The following TNR variants were observed in gnomAD, a reference collection of about 807,000 sequenced individuals.
TNR encodes the protein tenascin R, also known as tenascin-R.
In TNR, 45 loss-of-function variants were observed where a neutral mutation model predicts 150.4. That is an observed-to-expected ratio of 0.30 (90% CI 0.24 to 0.38). The LOEUF (loss-of-function observed/expected upper bound fraction) is 0.38, where lower values mean the gene tolerates loss of function less well. Ranked by LOEUF, TNR falls within the 10% of genes least tolerant of loss-of-function variation. TNR has a pLI of 1.00. For missense variants in TNR, 1,544 were observed against 1,759.1 expected (o/e 0.88, Z 2.19); for synonymous variants, 687 against 678.4 (o/e 1.01, Z -0.20).
At chr1:175,741,963 G>T (rs1237817640) in intron 1 of TNR, among the ~76,000 whole-genome samples, 1 of 152,192 alleles carries the variant, frequency 6.6e-6, no homozygotes, top group African/African-American at 2.4e-5. Flanking sequence ...GGGAAGACTT[G>T]CTCCTACAAG....
chr1:175,497,802 G>A (rs936049834), intron 2 of TNR, among the ~76,000 whole-genome samples: 5 of 152,208 alleles, frequency 3.3e-5, no homozygotes, highest in Non-Finnish European at 7.3e-5. Flanking sequence ...GCTCACGCCT[G>A]TAATCCTAGC....
intron 1 of TNR, among the ~76,000 whole-genome samples, chr1:175,560,617 G>A (rs1027277967): frequency 6.6e-6 from 1 of 152,184 alleles, no homozygotes; most frequent in Non-Finnish European, 1.5e-5. Context: ...CATCCAAGAG[G>A]CCATAAACCA....
At chr1:175,469,738 C>G (rs1657200641) in intron 2 of TNR, among the ~76,000 whole-genome samples, 2 of 151,960 alleles carry the variant, frequency 1.3e-5, no homozygotes, top group Non-Finnish European at 2.9e-5. Flanking sequence ...TGAGATCTCT[C>G]TACTGGTCTT....
intron 2 of TNR, among the ~76,000 whole-genome samples, chr1:175,433,339 C>A (rs1020896833): frequency 6.6e-6 from 1 of 152,218 alleles, no homozygotes; most frequent in Non-Finnish European, 1.5e-5. Context: ...ATCCCCTCTT[C>A]GGTCTTCACT....
intron 1 of TNR, among the ~76,000 whole-genome samples, chr1:175,662,756 T>C (rs1313952632): frequency 6.6e-6 from 1 of 152,116 alleles, no homozygotes; most frequent in Non-Finnish European, 1.5e-5. Context: ...GGGGGCAGCG[T>C]AGGAAGAAGA....
chr1:175,496,463 C>T (rs956607451), intron 2 of TNR, among the ~76,000 whole-genome samples: 19 of 152,188 alleles, frequency 1.2e-4, no homozygotes, highest in Admixed American at 1.2e-3. Context: ...TCGGGGCTGC[C>T]ATATGCAGAA....
At chr1:175,643,905 G>GA (rs1664738279) in intron 1 of TNR, among the ~76,000 whole-genome samples, 1 of 152,204 alleles carries the variant, frequency 6.6e-6, no homozygotes, top group Non-Finnish European at 1.5e-5. Flanking sequence ...TAAGTGATAT[G>GA]AAAGTCAGCA....
intron 1 of TNR, among the ~76,000 whole-genome samples, chr1:175,578,484 A>G (rs1355459351): frequency 6.6e-6 from 1 of 152,198 alleles, no homozygotes; most frequent in African/African-American, 2.4e-5. Flanking sequence ...AACAGTGCAA[A>G]TAGCTCAGTG....
intron 1 of TNR, among the ~76,000 whole-genome samples, chr1:175,691,111 A>G (rs1218147176): frequency 6.6e-6 from 1 of 151,210 alleles, no homozygotes; most frequent in Non-Finnish European, 1.5e-5. Context: ...AAGTAGTTGG[A>G]TAGCACCATG....
chr1:175,675,920 T>TCA (rs2101906463), intron 1 of TNR, among the ~76,000 whole-genome samples: 1 of 152,202 alleles, frequency 6.6e-6, no homozygotes, highest in African/African-American at 2.4e-5. Context: ...TCTGTCAACA[T>TCA]CACACCTGAT....
chr1:175,483,537 GCACTGTGTAAATA>G (rs1027335158), intron 2 of TNR, among the ~76,000 whole-genome samples: 3 of 152,148 alleles, frequency 2.0e-5, no homozygotes, highest in Admixed American at 2.0e-4. Flanking sequence ...AAGAAAATGG[GCACTGTGTAAATA>G]CAAGCCAGAA....
intron 2 of TNR, among the ~76,000 whole-genome samples, chr1:175,500,205 G>T (rs1032895440): frequency 6.6e-6 from 1 of 152,194 alleles, no homozygotes; most frequent in Non-Finnish European, 1.5e-5. Flanking sequence ...TTTAAGGATA[G>T]TTTAGCTTCT....
chr1:175,372,171 C>T (rs895914780), intron 9 of TNR, among the ~76,000 whole-genome samples: 22 of 152,292 alleles, frequency 1.4e-4, no homozygotes, highest in Admixed American at 5.9e-4. Flanking sequence ...GTAAGCTTTC[C>T]GAGGCCCTCA....
chr1:175,734,276 A>G (rs934719112), intron 1 of TNR, among the ~76,000 whole-genome samples: 5 of 152,228 alleles, frequency 3.3e-5, no homozygotes. Context: ...CAGAATCTGT[A>G]TGTGCTAAGG....
intron 2 of TNR, among the ~76,000 whole-genome samples, chr1:175,490,653 A>G (rs1191224906): frequency 3.3e-5 from 5 of 152,244 alleles, no homozygotes; most frequent in Non-Finnish European, 4.4e-5. Context: ...AGAAATGTAA[A>G]TCAAAATCAC....
chr1:175,376,682 C>T (rs1652401811), intron 9 of TNR, among the ~76,000 whole-genome samples: 1 of 152,088 alleles, frequency 6.6e-6, no homozygotes, highest in African/African-American at 2.4e-5. Context: ...TCTCTTCCCC[C>T]AGATGCCTCA....
At chr1:175,594,827 AGCCTGG>A (rs1267129208) in intron 1 of TNR, among the ~76,000 whole-genome samples, 1 of 149,998 alleles carries the variant, frequency 6.7e-6, no homozygotes, top group Non-Finnish European at 1.5e-5. Flanking sequence ...ATTGCACTCC[AGCCTGG>A]GCAACAGAGT....
chr1:175,395,642 G>T (rs1653394076), intron 5 of TNR, among the ~76,000 whole-genome samples: 1 of 152,172 alleles, frequency 6.6e-6, no homozygotes, highest in Non-Finnish European at 1.5e-5. Flanking sequence ...GACTTGGGGT[G>T]ATGAGAACTT....
intron 2 of TNR, among the ~76,000 whole-genome samples, chr1:175,424,288 G>C (rs1421850859): frequency 1.3e-5 from 2 of 152,180 alleles, no homozygotes; most frequent in Non-Finnish European, 2.9e-5. Flanking sequence ...TTGGAAGCCG[G>C]GCTGCATTGT....
Sources: gnomAD v4.1 joint callset for allele counts (sites outside exome capture counted in the v4.1 genomes callset) on GRCh38, gnomAD v4.1.1 for gene constraint, MANE v1.5 for transcripts, NCBI Gene and HGNC (gene_info 2026-07-23, HGNC 2026-07-21) for gene names.